ULK2: variants seen among roughly 807,000 people sequenced by gnomAD.
ULK2 encodes the protein unc-51 like autophagy activating kinase 2.
ULK2 carries 76 observed loss-of-function variants against 127.5 expected under a neutral mutation model. That is an observed-to-expected ratio of 0.60 (90% CI 0.50 to 0.72). The LOEUF is 0.72. ULK2 is among the 30% of genes least tolerant of loss of function. ULK2 has a pLI of 0.00. For synonymous variants in ULK2, 452 were observed against 461.9 expected (o/e 0.98, Z 0.28); for missense variants, 1,144 against 1,295.9 (o/e 0.88, Z 1.80).
At chr17:19,859,605 T>C (rs977457152) in intron 3 of ULK2, among the ~76,000 whole-genome samples, 34 of 152,286 alleles carry the variant, frequency 2.2e-4, no homozygotes, top group Admixed American at 1.8e-3. Flanking sequence ...CACAAAGATA[T>C]ATGCACACAT....
At chr17:19,781,224 T>A in intron 23 of ULK2, 120 bp from the exon 24 acceptor site, 1 of 691,068 alleles carries the variant, frequency 1.4e-6, no homozygotes, top group Non-Finnish European at 2.3e-6. Context: ...CTCTTTGATT[T>A]CTTTTCTTCT....
intron 21 of ULK2, among the ~76,000 whole-genome samples, chr17:19,784,890 T>C (rs933766389): frequency 4.6e-5 from 7 of 152,138 alleles, no homozygotes; most frequent in African/African-American, 1.7e-4. Flanking sequence ...TTTCGTAAAA[T>C]GGTATTTTCT....
chr17:19,782,943 T>C (rs72841952), intron 22 of ULK2, among the ~76,000 whole-genome samples: 3,857 of 42,380 alleles, frequency 0.091, 61 homozygotes, highest in Non-Finnish European at 0.12. Context: ...AACAAACAAA[T>C]AAATAAATAA....
intron 3 of ULK2, among the ~76,000 whole-genome samples, chr17:19,855,384 A>G (rs1444379146): frequency 6.6e-6 from 1 of 151,544 alleles, no homozygotes; most frequent in Non-Finnish European, 1.5e-5. Context: ...AGCCTGGGTG[A>G]CAGAGCGAAA....
chr17:19,795,761 G>A, intron 19 of ULK2, 36 bp from the exon 20 acceptor site: 1 of 1,587,674 alleles, frequency 6.3e-7, no homozygotes, highest in Non-Finnish European at 8.6e-7. Context: ...TAAAGGAAAA[G>A]TATACTTTTT....
intron 3 of ULK2, among the ~76,000 whole-genome samples, chr17:19,862,705 A>ACCC (rs1017944074): frequency 2.6e-5 from 4 of 152,100 alleles, no homozygotes; most frequent in African/African-American, 9.6e-5. Flanking sequence ...ACCTCAGGTG[A>ACCC]CCCACCTACC....
rs202068745 is a variant in ULK2, at chr17:19,797,520, G to A, written c.1685C>T (p.Ser562Leu). ...PSHTGAGYSY[S>L]PQPSRPGSLG... Reference sequence around the variant, plus strand: ...GCTGCCAGGCCGACTGGGCTGAGGCGAGTAGCTGTACCCAGCCCCAGTATG... The same window carrying A: ...GCTGCCAGGCCGACTGGGCTGAGGCAAGTAGCTGTACCCAGCCCCAGTATG... Residue 562 changes from serine (S) to leucine (L), a missense_variant, in exon 18 of 27, where the codon TCG becomes TTG. Around this residue, in one of 2 missense-constraint regions of ULK2, gnomAD observed 913 missense variants for 970.5 expected, o/e 0.94. Coordinates refer to ENST00000395544, the MANE Select transcript of ULK2 (RefSeq NM_014683.4). The A allele has an allele frequency of 1.3e-5, 21 of 1,613,948 alleles. No individual in the cohort carries two copies. The highest frequency in any genetic ancestry group is 8.8e-5 in the South Asian group (8 of 91,070).
chr17:19,800,310 C>G lies in ULK2; in HGVS notation c.1442-735G>C, dbSNP rs1299984185. On this transcript the variant is annotated intron_variant, in intron 16 of 26. Coordinates refer to ENST00000395544, the MANE Select transcript of ULK2 (RefSeq NM_014683.4). Reference sequence around the variant, plus strand: ...ATTTCTCTGAGAATTAAAACTAACACAGAGAGAGAGAGTTAGGGAAGGCTT... The same window carrying G: ...ATTTCTCTGAGAATTAAAACTAACAGAGAGAGAGAGAGTTAGGGAAGGCTT... Among the ~76,000 whole-genome samples, 6 of 152,030 alleles carry G rather than the reference C, an allele frequency of 3.9e-5. No homozygotes were observed. In the East Asian group the frequency reaches 9.6e-4, roughly 24 times the overall value.
chr17:19,863,793 T>C (rs1465185738), intron 3 of ULK2, among the ~76,000 whole-genome samples: 1 of 151,984 alleles, frequency 6.6e-6, no homozygotes, highest in African/African-American at 2.4e-5. Flanking sequence ...TTTCCAAGAG[T>C]AATTTTGACT....
chr17:19,797,600 G>T lies in ULK2; in HGVS notation c.1605C>A (p.Ile535=), dbSNP rs140554636. The stretch of plus-strand genomic sequence containing the variant: ...TTCTGAGCTTCTGCTTGTTCTGATA[G>T]ATGTCAGTGAGGGTGGGGGCGCTCT... ...RLQSAPTLTD[I]YQNKQKLRKQ... The change falls in exon 18 of 27, where the codon ATC becomes ATA. Residue 535 remains isoleucine, a synonymous_variant. Coordinates refer to ENST00000395544, the MANE Select transcript of ULK2 (RefSeq NM_014683.4). 36 of 1,613,776 alleles carry T rather than the reference G, an allele frequency of 2.2e-5. No homozygotes were observed. The highest frequency in any genetic ancestry group is 8.9e-5 in the East Asian group (4 of 44,822).
At position 19,780,612 on chromosome 17, in the gene ULK2, C is replaced by T; in HGVS notation, c.2776G>A (p.Glu926Lys). 10 of 1,601,266 alleles carry T rather than the reference C, an allele frequency of 6.2e-6. No homozygotes were observed. The highest frequency in any genetic ancestry group is 8.5e-6 in the Non-Finnish European group (10 of 1,176,166). The change falls in exon 25 of 27, where the codon GAA becomes AAA. Residue 926 changes from glutamate (E) to lysine (K), a missense_variant. Coordinates refer to ENST00000395544, the MANE Select transcript of ULK2 (RefSeq NM_014683.4). ...AVKQVVKNLN[E>K]RYKFCITMCK... ...ATGGTGATGCAGAATTTATATCGTT[C>T]GTTCAGATTCTTGACAACTGAAAAA...
chr17:19,865,154 G>C (rs2042326371), intron 2 of ULK2, among the ~76,000 whole-genome samples: 1 of 152,164 alleles, frequency 6.6e-6, no homozygotes, highest in Admixed American at 6.5e-5. Context: ...GAAAACACCA[G>C]GTTAAGTACT....
chr17:19,809,347 T>C (rs1161726743), intron 14 of ULK2, among the ~76,000 whole-genome samples: 1 of 152,110 alleles, frequency 6.6e-6, no homozygotes, highest in South Asian at 2.1e-4. Flanking sequence ...GTCCTAGAAA[T>C]TGGTTGCATA....
intron 3 of ULK2, among the ~76,000 whole-genome samples, chr17:19,859,952 T>C (rs1360735957): frequency 2.0e-5 from 3 of 152,208 alleles, no homozygotes; most frequent in African/African-American, 7.2e-5. Flanking sequence ...ACTGAGTTTA[T>C]GGTGTGAGCC....
intron 19 of ULK2, 50 bp downstream of exon 19, chr17:19,796,045 T>C (rs192511): frequency 0.93 from 1,447,789 of 1,557,668 alleles, 678,900 homozygotes; most frequent in Non-Finnish European, 0.96. Context: ...AATCTATGTT[T>C]TACTATTACA....
At chr17:19,850,511 C>A (rs1415821349) in intron 3 of ULK2, among the ~76,000 whole-genome samples, 1 of 152,090 alleles carries the variant, frequency 6.6e-6, no homozygotes, top group Admixed American at 6.6e-5. Flanking sequence ...TTAACTTGAG[C>A]CAGTGTGCAA....
At chr17:19,836,836 C>T (rs995135207) in intron 10 of ULK2, among the ~76,000 whole-genome samples, 8 of 149,824 alleles carry the variant, frequency 5.3e-5, no homozygotes, top group East Asian at 2.0e-4. Flanking sequence ...ACCCAGGAGG[C>T]GGAAGTTGCA....
intron 23 of ULK2, 112 bp from the exon 24 acceptor site, chr17:19,781,216 CTTTGA>C: frequency 3.4e-6 from 2 of 582,658 alleles, no homozygotes; most frequent in Non-Finnish European, 5.7e-6. Context: ...ATAGCATCCT[CTTTGA>C]TTTCTTTTCT....
chr17:19,846,757 C>T lies in ULK2; in HGVS notation c.449G>A (p.Ser150Asn), dbSNP rs2041893607. Residue 150 changes from serine (S) to asparagine (N), a missense_variant, in exon 6 of 27, where the codon AGT (serine) becomes AAT (asparagine). Coordinates refer to ENST00000395544, the MANE Select transcript of ULK2 (RefSeq NM_014683.4). ...SYANRRKSSV[S>N]GIRIKIADFG... is the part of the protein sequence containing the mutation. Reference sequence around the variant, plus strand: ...TTTACCTATTTTGATGCGAATACCACTGACACTTGATTTTCTGCGATTGGC... The same window carrying T: ...TTTACCTATTTTGATGCGAATACCATTGACACTTGATTTTCTGCGATTGGC... The T allele has an allele frequency of 6.2e-7, 1 of 1,610,418 alleles. No homozygotes were observed. Among genetic ancestry groups the T allele is most frequent in the South Asian group, 1.1e-5 (1 of 90,024 alleles).
Sources: allele counts gnomAD v4.1 joint callset (sites outside exome capture counted in the v4.1 genomes callset), GRCh38; gene constraint gnomAD v4.1.1; regional missense constraint gnomAD v4.1.1; transcripts MANE v1.5; gene names NCBI Gene and HGNC (gene_info 2026-07-23, HGNC 2026-07-21).